Variants in SFMBT1 observed in about 807,000 individuals in gnomAD.
SFMBT1 encodes the protein Scm like with four mbt domains 1.
Under a neutral mutation model 108.7 loss-of-function variants are expected in SFMBT1, and 32 were observed. The ratio of observed to expected loss-of-function variants is 0.29; its 90% CI spans 0.22 to 0.40. The LOEUF (loss-of-function observed/expected upper bound fraction) is 0.40. Ranked by LOEUF, SFMBT1 falls within the 10% of genes least tolerant of loss-of-function variation. SFMBT1 has a pLI of 1.00. For missense variants in SFMBT1, 816 were observed against 1,059.6 expected (o/e 0.77, Z 3.19); for synonymous variants, 348 against 369.5 (o/e 0.94, Z 0.67).
intron 9 of SFMBT1, among the ~76,000 whole-genome samples, chr3:52,927,395 T>C (rs534712845): frequency 6.6e-6 from 1 of 152,326 alleles, no homozygotes; most frequent in South Asian, 2.1e-4. Context: ...TTATGACCCT[T>C]GTTAACAAGA....
chr3:53,042,005 A>T (rs1023019141), intron 1 of SFMBT1, among the ~76,000 whole-genome samples: 2 of 152,212 alleles, frequency 1.3e-5, no homozygotes, highest in African/African-American at 4.8e-5. Context: ...GTTATTCCAA[A>T]ATATTGGTTA....
In SFMBT1 at chr3:52,903,587, C is replaced by T. The variant is rs539974447; in HGVS notation, c.*1549G>A. On this transcript the variant is annotated 3_prime_UTR_variant, in exon 21 of 21. Transcript: ENST00000394752. ...TCAGTTAAAATTTGCTGTAATATTT[C>T]CTTATATTTGTAGAGCTGTTTAGAA... is the stretch of plus-strand genomic sequence containing the variant. 52 of 152,178 alleles carry T rather than the reference C, an allele frequency of 3.4e-4. No individual in the cohort carries two copies. The highest frequency in any genetic ancestry group is 1.3e-3 in the African/African-American group (52 of 41,512). The allele number at this position is 152,178 out of a possible 1,614,324, so 9.4% of individuals were successfully genotyped here.
intron 1 of SFMBT1, among the ~76,000 whole-genome samples, chr3:52,983,250 A>T (rs2106881774): frequency 6.6e-6 from 1 of 152,310 alleles, no homozygotes; most frequent in East Asian, 1.9e-4. Flanking sequence ...CCACTCAGTG[A>T]AGAGTCAATA....
chr3:53,017,347 T>C (rs912041669), intron 1 of SFMBT1, among the ~76,000 whole-genome samples: 4 of 152,240 alleles, frequency 2.6e-5, no homozygotes, highest in Non-Finnish European at 2.9e-5. Context: ...TCCACTAGTA[T>C]AGTGACACTT....
At chr3:52,997,945 T>A (rs1043393904) in intron 1 of SFMBT1, among the ~76,000 whole-genome samples, 1 of 150,724 alleles carries the variant, frequency 6.6e-6, no homozygotes, top group Non-Finnish European at 1.5e-5. Flanking sequence ...AACAATATTT[T>A]TTAAATTTAT....
chr3:52,908,637 T>C (rs1702138805), intron 17 of SFMBT1, among the ~76,000 whole-genome samples: 1 of 152,158 alleles, frequency 6.6e-6, no homozygotes, highest in Admixed American at 6.5e-5. Context: ...GGCGTGATCT[T>C]GGCTCACTGC....
intron 1 of SFMBT1, among the ~76,000 whole-genome samples, chr3:53,013,131 T>C (rs1032041361): frequency 6.6e-6 from 1 of 151,834 alleles, no homozygotes; most frequent in African/African-American, 2.4e-5. Context: ...GATTTGATTA[T>C]AATGTTGGCA....
In SFMBT1 at chr3:53,046,069, A is replaced by G. The variant is rs983961621; in HGVS notation, c.-384T>C. 6.7e-6 allele frequency: 1 copy of G among 149,960 alleles called. No homozygotes were observed. Among genetic ancestry groups the G allele is most frequent in the African/African-American group, 2.4e-5 (1 of 40,860 alleles). 9.3% of individuals were successfully genotyped at this position (149,960 alleles called of 1,614,324 possible). A position where few individuals can be genotyped will look rare whatever the true frequency, so the allele number is the denominator to read the frequency against. On this transcript the variant is annotated 5_prime_UTR_variant, in exon 1 of 21. Coordinates refer to ENST00000394752, the MANE Select transcript of SFMBT1 (RefSeq NM_016329.4). Reference sequence around the variant, plus strand: ...GGCGCTCCGCGCTCCGACTCATTCCAATATGGCACGGACGCAGGGCGCATG... The same window carrying G: ...GGCGCTCCGCGCTCCGACTCATTCCGATATGGCACGGACGCAGGGCGCATG...
chr3:53,021,583 T>C (rs57940327), intron 1 of SFMBT1, among the ~76,000 whole-genome samples: 9,241 of 152,218 alleles, frequency 0.061, 764 homozygotes, highest in African/African-American at 0.17. Flanking sequence ...TTTAAATCAG[T>C]TGATGGTTGC....
chr3:53,036,691 T>G (rs1267091114), intron 1 of SFMBT1, among the ~76,000 whole-genome samples: 1 of 152,302 alleles, frequency 6.6e-6, no homozygotes, highest in Non-Finnish European at 1.5e-5. Flanking sequence ...ACAACTTCAT[T>G]GAGAGAGATG....
rs555817344 is a variant in SFMBT1 at position 52,992,519 on chromosome 3, G to A, written c.-130-23261C>T. On this transcript the variant is annotated intron_variant, in intron 1 of 20. Transcript: ENST00000394752. ...GTGATTTTGATTTCTGCTTTATATC[G>A]TGTATTTCTGTGACTAGGCCAAACA... 1.6e-4 allele frequency among the ~76,000 whole-genome samples: 25 copies of A among 151,986 alleles called. No homozygotes were observed. In the South Asian group the frequency reaches 4.2e-3, roughly 25 times the overall value.
At position 52,980,147 on chromosome 3, in the gene SFMBT1, T is replaced by C. The variant is rs372666549; in HGVS notation, c.-130-10889A>G. ...AAAAGTTAAAAAATATCAAAACTTATACAAACACAGACTGTACATGGTGTC... is the reference window on the plus strand; with the variant it reads ...AAAAGTTAAAAAATATCAAAACTTACACAAACACAGACTGTACATGGTGTC... On this transcript the variant is annotated intron_variant, in intron 1 of 20. Transcript: ENST00000394752. Among the ~76,000 whole-genome samples, 12 of 152,308 alleles carry C rather than the reference T, an allele frequency of 7.9e-5. 1 individual carries two copies. Among genetic ancestry groups the C allele is most frequent in the Admixed American group, 3.9e-4 (6 of 15,298 alleles).
chr3:52,907,304 C>G lies in SFMBT1; in HGVS notation c.2096G>C (p.Gly699Ala), dbSNP rs1230773772. 1 of 1,612,254 alleles carries G rather than the reference C, an allele frequency of 6.2e-7. No individual in the cohort carries two copies. Residue 699 changes from glycine to alanine, a missense_variant, in exon 19 of 21, where the codon GGT (glycine) becomes GCT (alanine). Coordinates refer to ENST00000394752, the MANE Select transcript of SFMBT1 (RefSeq NM_016329.4). ...TPAGSPQGSGGEDEDDPDEGD... is the reference protein window; with the variant it reads ...TPAGSPQGSGAEDEDDPDEGD... The stretch of plus-strand genomic sequence containing the variant: ...TTCATCTGGGTCATCCTCATCTTCA[C>G]CCCCACTTCCCTGCAGGAAAAGGAG...
At chr3:52,929,595 T>C (rs1422928882) in intron 8 of SFMBT1, among the ~76,000 whole-genome samples, 1 of 152,200 alleles carries the variant, frequency 6.6e-6, no homozygotes, top group Non-Finnish European at 1.5e-5. Context: ...CTTCAGACTC[T>C]AGGTAGGGCC....
chr3:53,010,524 G>T (rs1169428773), intron 1 of SFMBT1, among the ~76,000 whole-genome samples: 4 of 152,162 alleles, frequency 2.6e-5, no homozygotes, highest in Non-Finnish European at 5.9e-5. Flanking sequence ...AATTATACAA[G>T]AAATTTTCTT....
intron 2 of SFMBT1, among the ~76,000 whole-genome samples, chr3:52,956,104 C>G (rs1447361251): frequency 2.6e-5 from 4 of 152,144 alleles, no homozygotes; most frequent in African/African-American, 4.8e-5. Flanking sequence ...AAGATAAAAA[C>G]CACATGATTA....
intron 1 of SFMBT1, among the ~76,000 whole-genome samples, chr3:53,015,623 T>A (rs1699099483): frequency 6.6e-6 from 1 of 152,204 alleles, no homozygotes; most frequent in African/African-American, 2.4e-5. Context: ...GAAATACTGA[T>A]ACACACACAA....
Position 52,911,060 on chromosome 3 carries a change from G to A in SFMBT1, c.1849C>T (p.Arg617Trp), listed in dbSNP as rs79007826. 1.5e-5 allele frequency: 25 copies of A among 1,614,180 alleles called. No homozygotes were observed. Among genetic ancestry groups the A allele is most frequent in the South Asian group, 3.3e-5 (3 of 91,086 alleles). Residue 617 changes from arginine to tryptophan, a missense_variant, in exon 17 of 21, where the codon CGG (arginine) becomes TGG (tryptophan). Coordinates refer to ENST00000394752, the MANE Select transcript of SFMBT1 (RefSeq NM_016329.4). ...TCAGAACACTTATCCAGAACCATCC[G>A]TGGACCGAAGAGGTTAGGACAGCAT... is the stretch of plus-strand genomic sequence containing the variant. ...LECCPNLFGP[R>W]MVLDKCSENC...
chr3:53,031,044 A>T (rs1699668354), intron 1 of SFMBT1, among the ~76,000 whole-genome samples: 1 of 152,176 alleles, frequency 6.6e-6, no homozygotes, highest in African/African-American at 2.4e-5. Flanking sequence ...ATGGCAGGCA[A>T]AGCCTAAGCC....
Sources: gnomAD v4.1 joint callset for allele counts (sites outside exome capture counted in the v4.1 genomes callset) on GRCh38, gnomAD v4.1.1 for gene constraint, MANE v1.5 for transcripts, NCBI Gene and HGNC (gene_info 2026-07-23, HGNC 2026-07-21) for gene names.